The following TFF2 variants were observed in gnomAD, a reference collection of about 807,000 sequenced individuals.
TFF2 encodes trefoil factor 2, also known as spasmolysin.
Under a neutral mutation model 16.0 loss-of-function variants are expected in TFF2, and 19 were observed. That is an observed-to-expected ratio of 1.19 (90% CI 0.83 to 1.74). The LOEUF (loss-of-function observed/expected upper bound fraction) is 1.74, where lower values mean the gene tolerates loss of function less well. Ranked by LOEUF, TFF2 falls within the 40% of genes most tolerant of loss-of-function variation. The pLI is 0.00. For missense variants in TFF2, 168 were observed against 166.8 expected (o/e 1.01, Z -0.04); for synonymous variants, 61 against 65.4 (o/e 0.93, Z 0.32).
In TFF2 at chr21:42,347,584, T is replaced by C. The variant is rs965240898; in HGVS notation, c.278A>G (p.Tyr93Cys). 3 of 1,614,132 alleles carry C rather than the reference T, an allele frequency of 1.9e-6. No homozygotes were observed. Among genetic ancestry groups the C allele is most frequent in the Non-Finnish European group, 2.5e-6 (3 of 1,180,008 alleles). ...GCATTCCTCGGGGCTGATGCCCGGGTAGCCACAGTTTCTTCGGTCTGAGAC... is the reference window on the plus strand; with the variant it reads ...GCATTCCTCGGGGCTGATGCCCGGGCAGCCACAGTTTCTTCGGTCTGAGAC... ...MEVSDRRNCG[Y>C]PGISPEECAS... is the part of the protein sequence containing the mutation. The change falls in exon 3 of 4, where the codon TAC (tyrosine) becomes TGC (cysteine). Residue 93 changes from tyrosine to cysteine, a missense_variant. By Grantham distance (194) the Tyr-to-Cys change is radical. Coordinates refer to ENST00000291526, the MANE Select transcript of TFF2 (RefSeq NM_005423.5).
chr21:42,349,689 C>A (rs967102734), intron 2 of TFF2, among the ~76,000 whole-genome samples, 192 bp downstream of exon 2: 3 of 152,134 alleles, frequency 2.0e-5, no homozygotes. Context: ...ACTAACCAAC[C>A]TGGGCTAGCT....
chr21:42,348,122 G>C (rs1027862015), intron 2 of TFF2, among the ~76,000 whole-genome samples: 1 of 152,292 alleles, frequency 6.6e-6, no homozygotes, highest in Non-Finnish European at 1.5e-5. Flanking sequence ...GTTTCCCTGC[G>C]GGGCCCAGCA....
At chr21:42,348,691 TCC>T (rs1439063462) in intron 2 of TFF2, among the ~76,000 whole-genome samples, 1 of 150,206 alleles carries the variant, frequency 6.7e-6, no homozygotes, top group Non-Finnish European at 1.5e-5. Flanking sequence ...TCCAGGCTAG[TCC>T]CAGACTAACC....
chr21:42,349,835 C>A (rs2052101701), intron 2 of TFF2, 46 bp downstream of exon 2: 2 of 1,537,852 alleles, frequency 1.3e-6, no homozygotes, highest in African/African-American at 1.4e-5. Flanking sequence ...GAAGCTGGGT[C>A]CTGGGTTGCC....
chr21:42,347,780 TCC>T, intron 2 of TFF2, 148 bp from the exon 3 acceptor site: 1 of 1,038,020 alleles, frequency 9.6e-7, no homozygotes, highest in Non-Finnish European at 1.4e-6. Context: ...CGGGACGGCC[TCC>T]CCCGGGGACT....
rs778779367 is a variant in TFF2 at position 42,349,999 on chromosome 21, A to G, written c.111T>C (p.His37=). The stretch of plus-strand genomic sequence containing the variant: ...CAGGGAAGCCGCAGTTCGTCCTGTT[A>G]TGGGGGCTCAGCCTGGAGCACTGGC... ...SPCQCSRLSP[H]NRTNCGFPGI... The change falls in exon 2 of 4, where the codon CAT becomes CAC. Residue 37 remains histidine, a synonymous_variant. Coordinates refer to ENST00000291526, the MANE Select transcript of TFF2 (RefSeq NM_005423.5). The G allele has an allele frequency of 3.1e-6, 5 of 1,600,470 alleles. No individual in the cohort carries two copies. The Admixed American group carries it at 5.1e-5, about 16-fold the overall frequency.
At chr21:42,350,553 C>A (rs1481482582) in intron 1 of TFF2, among the ~76,000 whole-genome samples, 1 of 152,144 alleles carries the variant, frequency 6.6e-6, no homozygotes, top group Non-Finnish European at 1.5e-5. Flanking sequence ...AAAAACAAAA[C>A]CCTCCTAGAG....
intron 2 of TFF2, among the ~76,000 whole-genome samples, chr21:42,348,123 G>A (rs886728881): frequency 3.3e-5 from 5 of 152,204 alleles, no homozygotes; most frequent in African/African-American, 1.2e-4. Context: ...TTTCCCTGCG[G>A]GGCCCAGCAA....
chr21:42,350,296 G>A (rs2052106272), intron 1 of TFF2: 2 of 721,820 alleles, frequency 2.8e-6, no homozygotes, highest in African/African-American at 3.7e-5. Context: ...GGAAGCCGAG[G>A]CGGGCAGATT....
intron 1 of TFF2, 85 bp from the exon 2 acceptor site, chr21:42,350,115 C>T: frequency 6.8e-7 from 1 of 1,477,686 alleles, no homozygotes; most frequent in Non-Finnish European, 9.0e-7. Flanking sequence ...GATGCCTCTA[C>T]TGTCTTGTTG....
At chr21:42,350,812 T>G (rs902447484) in intron 1 of TFF2, 67 bp downstream of exon 1, 4 of 1,464,068 alleles carry the variant, frequency 2.7e-6, no homozygotes, top group Non-Finnish European at 9.2e-7. Context: ...TAATTTATGG[T>G]TGTGCTTTTT....
At chr21:42,349,419 G>T (rs2146394085) in intron 2 of TFF2, among the ~76,000 whole-genome samples, 1 of 138,572 alleles carries the variant, frequency 7.2e-6, no homozygotes, top group Non-Finnish European at 1.5e-5. Flanking sequence ...TGGGCTACTA[G>T]CCCCAGACTA....
At chr21:42,348,443 A>T (rs952172754) in intron 2 of TFF2, among the ~76,000 whole-genome samples, 2 of 152,150 alleles carry the variant, frequency 1.3e-5, no homozygotes, top group African/African-American at 4.8e-5. Context: ...CTATATATAT[A>T]TATATTTTTT....
At chr21:42,350,272 A>T (rs983838402) in intron 1 of TFF2, 4 of 995,786 alleles carry the variant, frequency 4.0e-6, no homozygotes, top group Non-Finnish European at 5.1e-6. Flanking sequence ...CATACCTATA[A>T]TCCCAGCACT....
chr21:42,350,827 TTC>T, intron 1 of TFF2, 50 bp downstream of exon 1: 1 of 1,542,196 alleles, frequency 6.5e-7, no homozygotes, highest in Non-Finnish European at 8.8e-7. Flanking sequence ...CTTTTTTTTT[TTC>T]TTTAAGAGAA....
intron 2 of TFF2, among the ~76,000 whole-genome samples, chr21:42,347,969 T>C (rs1216020337): frequency 1.3e-5 from 2 of 152,170 alleles, no homozygotes; most frequent in Non-Finnish European, 2.9e-5. Context: ...CTCAGTGTTC[T>C]CAGTAAATGG....
intron 2 of TFF2, among the ~76,000 whole-genome samples, chr21:42,349,439 G>A (rs1381584919): frequency 7.6e-6 from 1 of 130,744 alleles, no homozygotes; most frequent in African/African-American, 3.0e-5. Context: ...AACCAACCTG[G>A]GCTAGCTCCA....
intron 3 of TFF2, 83 bp downstream of exon 3, chr21:42,347,403 C>A: frequency 6.3e-7 from 1 of 1,580,782 alleles, no homozygotes; most frequent in Non-Finnish European, 8.6e-7. Flanking sequence ...CGAGGCAGCT[C>A]CCCTCCCTGC....
intron 2 of TFF2, among the ~76,000 whole-genome samples, chr21:42,348,800 C>T (rs1330006404): frequency 6.6e-6 from 1 of 151,870 alleles, no homozygotes; most frequent in Non-Finnish European, 1.5e-5. Context: ...CAGGCTAGTA[C>T]CAGACTAAAC....
Sources: allele counts gnomAD v4.1 joint callset (sites outside exome capture counted in the v4.1 genomes callset), GRCh38; gene constraint gnomAD v4.1.1; transcripts MANE v1.5; gene names NCBI Gene and HGNC (gene_info 2026-07-23, HGNC 2026-07-21).